The following GATM variants were observed in gnomAD, a reference collection of about 807,000 sequenced individuals.
GATM encodes the protein glycine amidinotransferase, mitochondrial.
In GATM, 23 loss-of-function variants were observed where a neutral mutation model predicts 54.2. The ratio of observed to expected loss-of-function variants is 0.42; its 90% CI spans 0.31 to 0.60. GATM has a LOEUF of 0.60. GATM is among the 20% of genes least tolerant of loss of function. The pLI is 0.14. For missense variants in GATM, 401 were observed against 544.9 expected (o/e 0.74, Z 2.63); for synonymous variants, 168 against 183.1 (o/e 0.92, Z 0.67).
chr15:45,370,934 C>T (rs935163150), intron 2 of GATM, among the ~76,000 whole-genome samples: 7 of 152,068 alleles, frequency 4.6e-5, no homozygotes, highest in Non-Finnish European at 1.0e-4. Flanking sequence ...CCACCACGCC[C>T]GGCTAATTTT....
chr15:45,379,453 C>T (rs1225314592), upstream of GATM: 5 of 151,834 alleles, frequency 3.3e-5, no homozygotes, highest in African/African-American at 1.2e-4. Context: ...AGCTTGTTTT[C>T]CAGAGTTCAT....
At chr15:45,387,952 A>T (rs1308408540) in intron 3 of GATM, among the ~76,000 whole-genome samples, 1 of 152,200 alleles carries the variant, frequency 6.6e-6, no homozygotes, top group Non-Finnish European at 1.5e-5. Context: ...TGAAAACCTT[A>T]AACTTCCAAG....
intron 1 of GATM, among the ~76,000 whole-genome samples, chr15:45,400,225 T>G (rs1889983777): frequency 6.6e-6 from 1 of 152,036 alleles, no homozygotes; most frequent in Non-Finnish European, 1.5e-5. Context: ...GTCTAAAAAA[T>G]AAATAAAATT....
chr15:45,369,347 T>A lies in GATM; in HGVS notation c.463A>T (p.Thr155Ser). ...TTACCCGTAGACTCAAAATCAGGAG[T>A]TTTATACTTCAATGACCAGTCAATG... ...DPIDWSLKYK[T>S]PDFESTGLYS... is the part of the protein sequence containing the mutation. Residue 155 changes from threonine to serine, a missense_variant, in exon 3 of 9, where the codon ACT (threonine) becomes TCT (serine). Thr to Ser is a moderately conservative substitution (Grantham distance 58). Coordinates refer to ENST00000396659, the MANE Select transcript of GATM (RefSeq NM_001482.3). The A allele has an allele frequency of 6.2e-7, 1 of 1,613,902 alleles. No individual in the cohort carries two copies.
At chr15:45,364,739 AG>A in intron 7 of GATM, 57 bp downstream of exon 7, 1 of 1,482,630 alleles carries the variant, frequency 6.7e-7, no homozygotes. Flanking sequence ...TATAGGAGAA[AG>A]ATCCTTGGTC....
intron 6 of GATM, among the ~76,000 whole-genome samples, chr15:45,365,347 C>T (rs1163351112): frequency 3.3e-5 from 5 of 152,094 alleles, no homozygotes; most frequent in Non-Finnish European, 5.9e-5. Context: ...ACAACTTAGC[C>T]GTCCCTGTGT....
chr15:45,363,642 C>T (rs767683834), intron 8 of GATM: 13 of 548,246 alleles, frequency 2.4e-5, no homozygotes, highest in Non-Finnish European at 3.9e-5. Context: ...GGCACCAAAA[C>T]GTTGGCTAAG....
intron 6 of GATM, 105 bp from the exon 7 acceptor site, chr15:45,364,965 T>C: frequency 1.1e-6 from 1 of 880,934 alleles, no homozygotes; most frequent in South Asian, 1.5e-5. Context: ...TGAGAAGCTG[T>C]CTTCTCAGCT....
chr15:45,382,783 A>G (rs1362484463), upstream of GATM, among the ~76,000 whole-genome samples: 1 of 152,086 alleles, frequency 6.6e-6, no homozygotes, highest in African/African-American at 2.4e-5. Context: ...ACAGGAGAGA[A>G]ACTCTGTCTC....
chr15:45,372,000 C>T (rs960135536), intron 2 of GATM, among the ~76,000 whole-genome samples: 1 of 152,158 alleles, frequency 6.6e-6, no homozygotes, highest in Non-Finnish European at 1.5e-5. Context: ...ATCAGTTACG[C>T]TGGAACCTAG....
rs372089316 is a variant in GATM at position 45,376,784 on chromosome 15, A to G, written c.105T>C (p.Thr35=). ...GRTLTGWVQR[T]FQSTQAATAS... ...CCGTAGCTGCCTGGGTGCTCTGGAA[A>G]GTTCGCTGCACCCATCCTGTCAAGG... The change falls in exon 2 of 9, where the codon ACT becomes ACC. Residue 35 remains threonine, a synonymous_variant. Coordinates refer to ENST00000396659, the MANE Select transcript of GATM (RefSeq NM_001482.3). 8 of 1,614,042 alleles carry G rather than the reference A, an allele frequency of 5.0e-6. No individual in the cohort carries two copies. Among genetic ancestry groups the G allele is most frequent in the Admixed American group, 1.7e-5 (1 of 60,006 alleles).
chr15:45,397,719 A>T lies in GATM; in HGVS notation c.-479-637T>A, dbSNP rs566086658. On this transcript the variant is annotated intron_variant, in intron 2 of 4. Transcript: ENST00000561148. ...CTAAGAAGGGGGTCATGGGAAGCCCAATTTACAGACCGTCCCTGGTCAGAA... is the reference window on the plus strand; with the variant it reads ...CTAAGAAGGGGGTCATGGGAAGCCCTATTTACAGACCGTCCCTGGTCAGAA... Among the ~76,000 whole-genome samples, 34 of 152,328 alleles carry T rather than the reference A, an allele frequency of 2.2e-4. No individual in the cohort carries two copies. In the South Asian group the frequency reaches 6.8e-3, roughly 31 times the overall value.
intron 3 of GATM, among the ~76,000 whole-genome samples, chr15:45,391,812 C>T (rs1217757400): frequency 1.3e-5 from 2 of 152,022 alleles, no homozygotes; most frequent in Non-Finnish European, 2.9e-5. Flanking sequence ...CTGCCAATTG[C>T]TGCCTAAAAA....
chr15:45,363,034 A>G (rs12595087), intron 8 of GATM, among the ~76,000 whole-genome samples: 48,500 of 151,982 alleles, frequency 0.32, 8,854 homozygotes, highest in East Asian at 0.83. Context: ...CATAATCCCA[A>G]TGCTATGGGA....
rs935226371 is a variant in GATM, at chr15:45,361,692, G to A, written c.*417C>T. ...TATTTTGGATCTGTGTACATTCTAA[G>A]TCTTTCTCTCATTTAGAGAAAAACA... On this transcript the variant is annotated 3_prime_UTR_variant, in exon 9 of 9. Coordinates refer to ENST00000396659, the MANE Select transcript of GATM (RefSeq NM_001482.3). 10 of 418,688 alleles carry A rather than the reference G, an allele frequency of 2.4e-5. No homozygotes were observed. The highest frequency in any genetic ancestry group is 4.0e-5 in the Admixed American group (1 of 25,254). 25.9% of individuals were successfully genotyped at this position (418,688 alleles called of 1,614,324 possible).
chr15:45,397,400 G>A (rs942866716), intron 2 of GATM: 1 of 152,056 alleles, frequency 6.6e-6, no homozygotes, highest in Non-Finnish European at 1.5e-5. Context: ...ACGGAGGCTG[G>A]AAATTGAGTT....
intron 7 of GATM, 88 bp downstream of exon 7, chr15:45,364,709 C>G (rs1314295916): frequency 8.6e-7 from 1 of 1,165,122 alleles, no homozygotes; most frequent in African/African-American, 1.5e-5. Context: ...CTCTAAGCTG[C>G]TAACATTTGG....
intron 3 of GATM, among the ~76,000 whole-genome samples, chr15:45,392,111 T>C (rs1889880142): frequency 1.3e-5 from 2 of 152,232 alleles, no homozygotes; most frequent in South Asian, 4.1e-4. Flanking sequence ...AGAGTTATGA[T>C]TAAATGAATT....
At chr15:45,378,167 T>C in intron 1 of GATM, 1 of 477,786 alleles carries the variant, frequency 2.1e-6, no homozygotes, top group East Asian at 3.7e-5. Flanking sequence ...GCAACGCAAG[T>C]TCCCCCTGAC....
Sources: gnomAD v4.1 joint callset for allele counts (sites outside exome capture counted in the v4.1 genomes callset) on GRCh38, gnomAD v4.1.1 for gene constraint, MANE v1.5 for transcripts, NCBI Gene and HGNC (gene_info 2026-07-23, HGNC 2026-07-21) for gene names.